GRM7: variants seen among roughly 807,000 people sequenced by gnomAD.
The protein encoded by GRM7 is metabotropic glutamate receptor 7.
A neutral mutation model predicts 84.5 loss-of-function variants in GRM7; 35 were observed. The ratio of observed to expected loss-of-function variants is 0.41; its 90% confidence interval spans 0.32 to 0.55. GRM7 has a LOEUF of 0.55. Among genes scored for constraint, GRM7 ranks in the 20% least tolerant of loss-of-function variants. The probability of loss-of-function intolerance (pLI) is 0.19; values close to 1 mark genes in which losing one functional copy is unlikely to be tolerated. For missense variants in GRM7, 1,003 were observed against 1,194.6 expected, an observed-to-expected ratio of 0.84 and a Z score of 2.36; for synonymous variants, 487 against 455.1, an observed-to-expected ratio of 1.07 and a Z score of -0.89.
At chr3:7,707,016 T>C (rs1316546920) in intron 9 of GRM7, among the ~76,000 whole-genome samples, 1 of 152,142 alleles carries the variant, frequency 6.6e-6, no homozygotes, top group African/African-American at 2.4e-5. Flanking sequence ...ATGTGACTAG[T>C]AGTGGAAATG....
chr3:7,499,778 CTTT>C (rs112392895), intron 7 of GRM7, among the ~76,000 whole-genome samples: 1 of 144,366 alleles, frequency 6.9e-6, no homozygotes, highest in African/African-American at 2.5e-5. Context: ...AGACACCATT[CTTT>C]TTTTTTTTTT....
chr3:6,943,643 T>A (rs189418031), intron 1 of GRM7, among the ~76,000 whole-genome samples: 1 of 152,046 alleles, frequency 6.6e-6, no homozygotes, highest in Non-Finnish European at 1.5e-5. Context: ...TTTAGCTTTG[T>A]TCTTTAAGGT....
chr3:7,144,424 A>C (rs533306221), intron 1 of GRM7, among the ~76,000 whole-genome samples: 2 of 152,342 alleles, frequency 1.3e-5, no homozygotes, highest in East Asian at 1.9e-4. Flanking sequence ...TAAACAGTAC[A>C]TATTACTTTG....
At chr3:7,693,870 A>AGAT (rs1419565738) in intron 9 of GRM7, among the ~76,000 whole-genome samples, 1 of 152,162 alleles carries the variant, frequency 6.6e-6, no homozygotes, top group East Asian at 1.9e-4. Flanking sequence ...ATTGCACTAA[A>AGAT]GATGTCTTGA....
At position 7,352,099 on chromosome 3, in the gene GRM7, A is replaced by ACACACT. The variant is rs1491207613; in HGVS notation, c.1033+45448_1033+45449insACACTC. ...CACACACACACACACACACACACAC[A>ACACACT]CTCATATTCTATTTTGTCTGTCTGG... On this transcript the variant is annotated intron_variant, in intron 4 of 9. Coordinates refer to ENST00000357716, the MANE Select transcript of GRM7 (RefSeq NM_000844.4). Among the ~76,000 whole-genome samples the ACACACT allele has an allele frequency of 6.2e-5, 9 of 144,666 alleles. No individual in the cohort carries two copies. In the East Asian group the frequency reaches 1.2e-3, roughly 20 times the overall value. The allele number at this position is 144,666 out of a possible 152,430, so 94.9% of individuals were successfully genotyped here.
At chr3:7,285,314 T>C (rs144114140) in intron 2 of GRM7, among the ~76,000 whole-genome samples, 20 of 152,290 alleles carry the variant, frequency 1.3e-4, no homozygotes, top group Admixed American at 1.3e-3. Context: ...TGGCTTTTAG[T>C]TATTTCTTTT....
At chr3:7,640,167 A>G (rs1381933172) in intron 8 of GRM7, among the ~76,000 whole-genome samples, 1 of 152,164 alleles carries the variant, frequency 6.6e-6, no homozygotes, top group Non-Finnish European at 1.5e-5. Context: ...CATATAGTTG[A>G]TGACCAACGC....
intron 7 of GRM7, among the ~76,000 whole-genome samples, chr3:7,571,702 T>G (rs985186759): frequency 6.6e-6 from 1 of 152,214 alleles, no homozygotes; most frequent in Non-Finnish European, 1.5e-5. Flanking sequence ...CTGAAGTCAC[T>G]TCCACATTTT....
intron 1 of GRM7, among the ~76,000 whole-genome samples, chr3:7,028,305 G>T (rs547776940): frequency 5.9e-5 from 9 of 152,180 alleles, no homozygotes; most frequent in African/African-American, 2.2e-4. Context: ...TAAATACCTC[G>T]CTTTGCACAT....
intron 2 of GRM7, among the ~76,000 whole-genome samples, chr3:7,256,229 A>G (rs773516301): frequency 6.6e-6 from 1 of 152,088 alleles, no homozygotes; most frequent in Non-Finnish European, 1.5e-5. Context: ...GAAATTCTCT[A>G]TTTTATTTAT....
At chr3:6,885,065 G>A (rs1351420450) in intron 1 of GRM7, among the ~76,000 whole-genome samples, 1 of 152,156 alleles carries the variant, frequency 6.6e-6, no homozygotes, top group Non-Finnish European at 1.5e-5. Context: ...TAATAAGTCT[G>A]AGCAGATGAG....
chr3:6,861,394 C>G lies in GRM7; in HGVS notation c.6C>G (p.Val2=). 6.4e-7 allele frequency: 1 copy of G among 1,570,222 alleles called. No homozygotes were observed. ...ACCGCAGCAGCCGGAGCAGCATGGTCCAGCTGAGGAAGCTGCTCCGCGTCC... is the reference window on the plus strand; with the variant it reads ...ACCGCAGCAGCCGGAGCAGCATGGTGCAGCTGAGGAAGCTGCTCCGCGTCC... M[V]QLRKLLRVLT... is the part of the protein sequence containing the mutation. Residue 2 remains valine, a synonymous_variant, in exon 1 of 10, where the codon GTC becomes GTG. Coordinates refer to ENST00000357716, the MANE Select transcript of GRM7 (RefSeq NM_000844.4). The surrounding 1 kb of genome is among the most constrained non-coding windows in gnomAD (Gnocchi z 6.4).
intron 1 of GRM7, among the ~76,000 whole-genome samples, chr3:7,065,882 C>G (rs1156369686): frequency 6.6e-6 from 1 of 151,772 alleles, no homozygotes; most frequent in African/African-American, 2.4e-5. Context: ...AAGGAACCTT[C>G]ATAATCATGT....
chr3:7,733,502 C>A (rs1351860109), intron 9 of GRM7, among the ~76,000 whole-genome samples: 1 of 152,216 alleles, frequency 6.6e-6, no homozygotes, highest in East Asian at 1.9e-4. Flanking sequence ...CACAAAACAT[C>A]TGTTGTAAAC....
intron 7 of GRM7, among the ~76,000 whole-genome samples, chr3:7,572,738 T>C (rs377689290): frequency 6.8e-6 from 1 of 147,952 alleles, no homozygotes; most frequent in African/African-American, 2.5e-5. Context: ...AGGAGAATGG[T>C]GTGAACCTGG....
intron 1 of GRM7, among the ~76,000 whole-genome samples, chr3:7,086,185 T>A (rs1005297681): frequency 6.6e-6 from 1 of 152,118 alleles, no homozygotes; most frequent in Admixed American, 6.6e-5. Context: ...CTATATTGAG[T>A]CTATAGAATC....
intron 8 of GRM7, among the ~76,000 whole-genome samples, chr3:7,645,376 G>A (rs577513313): frequency 5.0e-4 from 76 of 151,408 alleles, no homozygotes; most frequent in Middle Eastern, 3.4e-3. Flanking sequence ...GTGAAACCCC[G>A]TCACTACTAA....
At chr3:7,253,475 G>A (rs1698080776) in intron 2 of GRM7, among the ~76,000 whole-genome samples, 1 of 151,918 alleles carries the variant, frequency 6.6e-6, no homozygotes, top group Non-Finnish European at 1.5e-5. Flanking sequence ...AAATTAGCCA[G>A]GCATGGTGGT....
rs955462061 is a variant in GRM7, at chr3:7,273,844, T to C, written c.737-24840T>C. Among the ~76,000 whole-genome samples, 7 of 152,136 alleles carry C rather than the reference T, an allele frequency of 4.6e-5. No individual in the cohort carries two copies. The East Asian group carries it at 1.4e-3, about 29-fold the overall frequency. Reference sequence around the variant, plus strand: ...ACCTCTGGCTTTTAGTTGGTACACTTAGACCATTGATGTTTAAAGTGAATA... The same window carrying C: ...ACCTCTGGCTTTTAGTTGGTACACTCAGACCATTGATGTTTAAAGTGAATA... On this transcript the variant is annotated intron_variant, in intron 2 of 9. Coordinates refer to ENST00000357716, the MANE Select transcript of GRM7 (RefSeq NM_000844.4).
Sources: gnomAD v4.1 joint callset for allele counts (sites outside exome capture counted in the v4.1 genomes callset) on GRCh38, gnomAD v4.1.1 for gene constraint, Gnocchi (gnomAD v3.1) non-coding constraint, MANE v1.5 for transcripts, NCBI Gene and HGNC (gene_info 2026-07-23, HGNC 2026-07-21) for gene names.